Variants in RTL1 observed in about 807,000 individuals in gnomAD.
RTL1 encodes retrotransposon-like protein 1.
For synonymous variants in RTL1, 727 were observed against 748.4 expected (o/e 0.97, Z 0.47); for missense variants, 1,681 against 1,767.5 (o/e 0.95, Z 0.88).
At position 100,881,505 on chromosome 14, in the gene RTL1, A is replaced by G. The variant is rs2038613269; in HGVS notation, c.3284T>C (p.Ile1095Thr). The change falls in exon 4 of 4, where the codon ATC becomes ACC. Residue 1095 changes from isoleucine to threonine, a missense_variant. Transcript: ENST00000649591. This position sits in a 1 kb window ranked among gnomAD's most constrained non-coding sequence, Gnocchi z 6.6. ...TTGCCTCACGCGCAGTAGCACGAGGATGGCTGCCAGGGCTAGGGTGTTCTT... is the reference window on the plus strand; with the variant it reads ...TTGCCTCACGCGCAGTAGCACGAGGGTGGCTGCCAGGGCTAGGGTGTTCTT... ...YWKNTLALAA[I>T]LVLLRVRQCL... 1.3e-6 allele frequency: 2 copies of G among 1,551,552 alleles called. No individual in the cohort carries two copies. Among genetic ancestry groups the G allele is most frequent in the African/African-American group, 2.7e-5 (2 of 73,148 alleles).
At chr14:100,885,956 G>T (rs905416541) in intron 3 of RTL1, among the ~76,000 whole-genome samples, 1 of 152,100 alleles carries the variant, frequency 6.6e-6, no homozygotes, top group Non-Finnish European at 1.5e-5. Flanking sequence ...GTGGGGGTTG[G>T]GGGGAACATG....
Position 100,895,676 on chromosome 14 carries a change from G to A in RTL1, c.-148-2171C>T, listed in dbSNP as rs141762361. Among the ~76,000 whole-genome samples, 1,409 of 152,248 alleles carry A rather than the reference G, an allele frequency of 9.3e-3. 20 individuals are homozygous for A. Among genetic ancestry groups the A allele is most frequent in the African/African-American group, 0.033 (1,355 of 41,534 alleles). On this transcript the variant is annotated intron_variant, in intron 2 of 3. Coordinates refer to ENST00000649591, the MANE Select transcript of RTL1 (RefSeq NM_001134888.3). Reference sequence around the variant, plus strand: ...TCATTGGTACTGGCTGGGTTTATGCGGACTTTGAGAGGAGTGGAGTGTCTC... The same window carrying A: ...TCATTGGTACTGGCTGGGTTTATGCAGACTTTGAGAGGAGTGGAGTGTCTC...
intron 3 of RTL1, among the ~76,000 whole-genome samples, chr14:100,889,210 T>C (rs1234435268): frequency 1.3e-5 from 2 of 152,156 alleles, no homozygotes; most frequent in African/African-American, 4.8e-5. Context: ...TTGCTTAAAA[T>C]CTCAACGTGT....
chr14:100,891,350 C>T (rs934286270), intron 3 of RTL1, among the ~76,000 whole-genome samples: 2 of 152,200 alleles, frequency 1.3e-5, no homozygotes, highest in Non-Finnish European at 2.9e-5. Context: ...CCATGGGCCT[C>T]GGACTTCATC....
chr14:100,882,810 G>A lies in RTL1; in HGVS notation c.1979C>T (p.Ala660Val). 6.4e-7 allele frequency: 1 copy of A among 1,551,974 alleles called. No homozygotes were observed. The highest frequency in any genetic ancestry group is 8.7e-7 in the Non-Finnish European group (1 of 1,147,104). ...IPELFDQLHG[A>V]EWFTKLELRG... is the part of the protein sequence containing the mutation. ...CAGCTCCAGTTTTGTGAACCACTCG[G>A]CTCCGTGTAACTGGTCAAACAGTTC... Residue 660 changes from alanine (A) to valine (V), a missense_variant, in exon 4 of 4, where the codon GCC becomes GTC. Ala to Val is a moderately conservative substitution (Grantham distance 64). Transcript: ENST00000649591.
At chr14:100,886,775 T>C (rs2038702969) in intron 3 of RTL1, among the ~76,000 whole-genome samples, 1 of 152,220 alleles carries the variant, frequency 6.6e-6, no homozygotes, top group Non-Finnish European at 1.5e-5. Flanking sequence ...TGCAGACTTA[T>C]CTATCAGGAA....
chr14:100,881,181 C>T lies in RTL1; in HGVS notation c.3608G>A (p.Arg1203Lys), dbSNP rs1482994174. The T allele has an allele frequency of 1.4e-5, 21 of 1,541,298 alleles. No homozygotes were observed. Among genetic ancestry groups the T allele is most frequent in the Non-Finnish European group, 1.8e-5 (21 of 1,141,834 alleles). ...GAGGTGGCCCTCCTGGGGGGTGACT[C>T]TGACACCGAAGAACTCACACAGCGT... Reference protein sequence around the residue: ...WLTLCEFFGVRVTPQEGHLPA... With the variant: ...WLTLCEFFGVKVTPQEGHLPA... The change falls in exon 4 of 4, where the codon AGA becomes AAA. Residue 1203 changes from arginine to lysine, a missense_variant. Arg to Lys is a conservative substitution (Grantham distance 26). Coordinates refer to ENST00000649591, the MANE Select transcript of RTL1 (RefSeq NM_001134888.3). This position sits in a 1 kb window ranked among gnomAD's most constrained non-coding sequence, Gnocchi z 6.6.
At chr14:100,896,814 C>T (rs1275297001) in intron 2 of RTL1, among the ~76,000 whole-genome samples, 3 of 152,208 alleles carry the variant, frequency 2.0e-5, no homozygotes, top group African/African-American at 7.2e-5. Context: ...GAGGCCCCAG[C>T]TCCTTACCAG....
intron 3 of RTL1, among the ~76,000 whole-genome samples, chr14:100,892,936 G>A (rs536535086): frequency 2.6e-5 from 4 of 152,270 alleles, no homozygotes; most frequent in African/African-American, 9.6e-5. Flanking sequence ...TTCGGAGGGC[G>A]AGGTGCTGGC....
At chr14:100,892,323 C>A (rs1171147249) in intron 3 of RTL1, among the ~76,000 whole-genome samples, 2 of 152,142 alleles carry the variant, frequency 1.3e-5, no homozygotes, top group Non-Finnish European at 2.9e-5. Context: ...AGAATGAGGG[C>A]AGAAGGCAGA....
chr14:100,884,923 T>C, intron 3 of RTL1, 49 bp from the exon 4 acceptor site: 1 of 768,808 alleles, frequency 1.3e-6, no homozygotes, highest in Non-Finnish European at 2.0e-6. Flanking sequence ...GTTTAGGATC[T>C]TGTGAAGTGG....
intron 2 of RTL1, among the ~76,000 whole-genome samples, chr14:100,895,285 G>C (rs377016298): frequency 6.6e-6 from 1 of 152,278 alleles, no homozygotes; most frequent in Middle Eastern, 3.4e-3. Flanking sequence ...GGCAGGATCT[G>C]CTTAGGGGAG....
Position 100,883,572 on chromosome 14 carries a change from C to T in RTL1, c.1217G>A (p.Arg406His), listed in dbSNP as rs1350202171. ...CATGAGCAGCAGGAAGAGGTGGGCG[C>T]GATTGATGTCCGGATGGACTTCGCT... ...LPSEVHPDIN[R>H]AHLFLLLMVR... Residue 406 changes from arginine (R) to histidine (H), a missense_variant, in exon 4 of 4, where the codon CGC becomes CAC. Coordinates refer to ENST00000649591, the MANE Select transcript of RTL1 (RefSeq NM_001134888.3). The surrounding 1 kb of genome is among the most constrained non-coding windows in gnomAD (Gnocchi z 5.9). 20 of 1,551,290 alleles carry T rather than the reference C, an allele frequency of 1.3e-5. No individual in the cohort carries two copies. The African/African-American group carries it at 1.8e-4, about 14-fold the overall frequency.
chr14:100,903,019 C>T (rs1217766794), intron 2 of RTL1, among the ~76,000 whole-genome samples: 1 of 152,196 alleles, frequency 6.6e-6, no homozygotes, highest in African/African-American at 2.4e-5. Context: ...AGCCCCCGGC[C>T]TGTGGAACTC....
intron 2 of RTL1, chr14:100,898,108 A>C: frequency 3.2e-6 from 1 of 308,292 alleles, no homozygotes; most frequent in Admixed American, 3.0e-5. Context: ...TCCCAGCTGA[A>C]AGTGCTCTGG....
chr14:100,884,951 G>T (rs1037400996), intron 3 of RTL1, 77 bp from the exon 4 acceptor site: 4 of 608,870 alleles, frequency 6.6e-6, no homozygotes, highest in Non-Finnish European at 5.6e-6. Context: ...AGGGTCTCAA[G>T]GACAAATCAG....
Position 100,880,603 on chromosome 14 carries a change from T to C in RTL1, c.*109A>G. On this transcript the variant is annotated 3_prime_UTR_variant, in exon 4 of 4. Transcript: ENST00000649591. Reference sequence around the variant, plus strand: ...AAGTGGGTTCCTCTTGGGTCAGGAGTGGCAGGAAGGGAAGCGAAGCAGGCT... The same window carrying C: ...AAGTGGGTTCCTCTTGGGTCAGGAGCGGCAGGAAGGGAAGCGAAGCAGGCT... 1 of 1,493,768 alleles carries C rather than the reference T, an allele frequency of 6.7e-7. No individual in the cohort carries two copies. The highest frequency in any genetic ancestry group is 8.9e-7 in the Non-Finnish European group (1 of 1,122,592). The allele number at this position is 1,493,768 out of a possible 1,614,324, so 92.5% of individuals were successfully genotyped here.
At chr14:100,885,754 T>C (rs961891143) in intron 3 of RTL1, among the ~76,000 whole-genome samples, 8 of 152,214 alleles carry the variant, frequency 5.3e-5, no homozygotes, top group Non-Finnish European at 1.2e-4. Context: ...GTGAGGCTTC[T>C]GGAACTTCAC....
At chr14:100,894,343 A>G (rs2038826125) in intron 2 of RTL1, among the ~76,000 whole-genome samples, 1 of 150,408 alleles carries the variant, frequency 6.6e-6, no homozygotes, top group Non-Finnish European at 1.5e-5. Context: ...AAAAGAAAAG[A>G]AAAAAACGTG....
Sources: allele counts gnomAD v4.1 joint callset (sites outside exome capture counted in the v4.1 genomes callset), GRCh38; gene constraint gnomAD v4.1.1; non-coding constraint Gnocchi (gnomAD v3.1); transcripts MANE v1.5; gene names NCBI Gene and HGNC (gene_info 2026-07-23, HGNC 2026-07-21).